Variants in ASB2 observed in about 807,000 individuals in gnomAD.
The protein encoded by ASB2 is ankyrin repeat and SOCS box protein 2.
A neutral mutation model predicts 62.4 loss-of-function variants in ASB2; 58 were observed. That is an observed-to-expected ratio of 0.93 (90% CI 0.75 to 1.16). The LOEUF (loss-of-function observed/expected upper bound fraction) is 1.16, where lower values mean the gene tolerates loss of function less well. ASB2 is among the 50% of genes most tolerant of loss of function. The pLI, the probability that ASB2 is intolerant of heterozygous loss-of-function variation, is 0.00. For synonymous variants in ASB2, 386 were observed against 385.3 expected (o/e 1.00, Z -0.02); for missense variants, 928 against 887.9 (o/e 1.05, Z -0.57).
intron 2 of ASB2, among the ~76,000 whole-genome samples, chr14:93,958,771 C>T (rs904749133): frequency 1.3e-5 from 2 of 152,216 alleles, no homozygotes; most frequent in Non-Finnish European, 2.9e-5. Context: ...GCCCTGTCGT[C>T]TTGATGAGGC....
At position 93,954,333 on chromosome 14, in the gene ASB2, C is replaced by T. The variant is rs771761711; in HGVS notation, c.462G>A (p.Leu154=). 91 of 1,613,552 alleles carry T rather than the reference C, an allele frequency of 5.6e-5. 1 individual carries two copies. The Admixed American group carries it at 8.5e-4, about 15-fold the overall frequency. The change falls in exon 4 of 10, where the codon CTG becomes CTA. Residue 154 remains leucine (L), a synonymous_variant. Coordinates refer to ENST00000555019, the MANE Select transcript of ASB2 (RefSeq NM_001202429.2). ...AGCCCTCACCTCGCTGCAGGACTTT[C>T]AGGCAGCCCACCTGGCCATAGTATG... ...EAAYYGQVGC[L]KVLQRAYPGT... is the part of the protein sequence containing the mutation.
At chr14:93,959,486 T>A (rs1889336070) in intron 2 of ASB2, among the ~76,000 whole-genome samples, 1 of 152,180 alleles carries the variant, frequency 6.6e-6, no homozygotes, top group Non-Finnish European at 1.5e-5. Flanking sequence ...CAATCAAGGC[T>A]GGAGGCCCCA....
Position 93,953,515 on chromosome 14 carries a change from G to T in ASB2, c.479-8C>A. 6.4e-7 allele frequency: 1 copy of T among 1,564,104 alleles called. No homozygotes were observed. Among genetic ancestry groups the T allele is most frequent in the Non-Finnish European group, 8.7e-7 (1 of 1,147,454 alleles). ...CGATGGTCCCTGGGTACGCTAGGGA[G>T]GGCCCACCGGGAAATTCATGTAGGA... On this transcript the variant is annotated splice_region_variant and splice_polypyrimidine_tract_variant and intron_variant, in intron 4 of 9. Coordinates refer to ENST00000555019, the MANE Select transcript of ASB2 (RefSeq NM_001202429.2).
At chr14:93,967,068 C>A (rs935709845) in intron 1 of ASB2, among the ~76,000 whole-genome samples, 1 of 152,174 alleles carries the variant, frequency 6.6e-6, no homozygotes, top group African/African-American at 2.4e-5. Context: ...GTTTCTGTCC[C>A]AAGTCAGCCA....
chr14:93,954,460 G>T lies in ASB2; in HGVS notation c.335C>A (p.Ala112Asp), dbSNP rs775965612. The change falls in exon 4 of 10, where the codon GCC (alanine) becomes GAC (aspartate). Residue 112 changes from alanine (A) to aspartate (D), a missense_variant. Physicochemically the swap from Ala to Asp is moderately radical, Grantham distance 126. Coordinates refer to ENST00000555019, the MANE Select transcript of ASB2 (RefSeq NM_001202429.2). ...QLAPADPLIK[A>D]IKDGDEEALK... The stretch of plus-strand genomic sequence containing the variant: ...GGCCTCTTCATCGCCATCCTTGATG[G>T]CCTTTATCAAGGGGTCCGCAGGCCT... 7 of 1,614,062 alleles carry T rather than the reference G, an allele frequency of 4.3e-6. No individual in the cohort carries two copies. Among genetic ancestry groups the T allele is most frequent in the Non-Finnish European group, 5.9e-6 (7 of 1,180,032 alleles).
intron 2 of ASB2, among the ~76,000 whole-genome samples, chr14:93,961,459 G>A (rs1889406426): frequency 6.6e-6 from 1 of 152,206 alleles, no homozygotes; most frequent in African/African-American, 2.4e-5. Context: ...TGGAGGCGTA[G>A]GTTAATGGCA....
chr14:93,938,619 A>C (rs1457678722), intron 8 of ASB2, among the ~76,000 whole-genome samples: 1 of 151,870 alleles, frequency 6.6e-6, no homozygotes, highest in Non-Finnish European at 1.5e-5. Flanking sequence ...CTGACCCTAC[A>C]CCAGCCTGCT....
chr14:93,939,588 G>A lies in ASB2; in HGVS notation c.1137C>T (p.Arg379=), dbSNP rs1261781763. ...GCGCCTCCAGCACCTCGTCGTGGTT[G>A]CGCTCGGCCGCCAGGTGCAGCGGAC... ...GVSPLHLAAE[R]NHDEVLEALL... The change falls in exon 8 of 10, where the codon CGC becomes CGT. Residue 379 remains arginine, a synonymous_variant. Transcript: ENST00000555019. 5.1e-6 allele frequency: 8 copies of A among 1,574,254 alleles called. No individual in the cohort carries two copies. Among genetic ancestry groups the A allele is most frequent in the African/African-American group, 2.7e-5 (2 of 73,706 alleles).
chr14:93,944,836 G>A (rs991176578), intron 7 of ASB2, among the ~76,000 whole-genome samples: 4 of 152,194 alleles, frequency 2.6e-5, no homozygotes, highest in South Asian at 2.1e-4. Flanking sequence ...GGCAGGACGC[G>A]CCTTACTCTC....
chr14:93,965,492 G>A (rs1485158868), intron 1 of ASB2, among the ~76,000 whole-genome samples: 2 of 152,314 alleles, frequency 1.3e-5, no homozygotes, highest in East Asian at 3.9e-4. Context: ...GTTAATTCCA[G>A]TGACTCTTTT....
rs55666799 is a variant in ASB2, at chr14:93,947,995, G to GAAA, written c.881-478_881-476dup. Among the ~76,000 whole-genome samples, 319 of 72,448 alleles carry GAAA rather than the reference G, an allele frequency of 4.4e-3. 20 individuals are homozygous for GAAA. The highest frequency in any genetic ancestry group is 0.012 in the Middle Eastern group (1 of 84). 47.5% of individuals were successfully genotyped at this position (72,448 alleles called of 152,430 possible). A position where few individuals can be genotyped will look rare whatever the true frequency, so the allele number is the denominator to read the frequency against. On this transcript the variant is annotated intron_variant, in intron 6 of 9. Transcript: ENST00000555019. ...GGCAACAAGAGTGAAACTCCGCCTG[G>GAAA]AAAAAAAAAAAAAAAAAAAAAAAGA...
intron 1 of ASB2, among the ~76,000 whole-genome samples, chr14:93,969,506 C>T (rs1243826818): frequency 6.6e-6 from 1 of 152,198 alleles, no homozygotes; most frequent in African/African-American, 2.4e-5. Flanking sequence ...CTCAGTTTCC[C>T]CTTGTCATGA....
chr14:93,941,774 A>G, intron 7 of ASB2: 1 of 439,170 alleles, frequency 2.3e-6, no homozygotes, highest in Non-Finnish European at 4.6e-6. Flanking sequence ...GCAGTTCTCC[A>G]CGAACCAAGG....
chr14:93,941,631 GC>G (rs1888526060), intron 7 of ASB2: 1 of 455,982 alleles, frequency 2.2e-6, no homozygotes, highest in Non-Finnish European at 4.4e-6. Context: ...ACCCTGGATG[GC>G]GGCCACGGCC....
intron 7 of ASB2, among the ~76,000 whole-genome samples, chr14:93,945,546 C>T (rs569287486): frequency 3.9e-5 from 6 of 152,318 alleles, no homozygotes; most frequent in South Asian, 4.1e-4. Context: ...GTAACCATTT[C>T]CCATTTTATA....
intron 3 of ASB2, chr14:93,955,299 C>G (rs1379050789): frequency 8.0e-6 from 3 of 374,954 alleles, no homozygotes; most frequent in African/African-American, 2.1e-5. Flanking sequence ...AGCCCCTGCA[C>G]TCTCCCAGCC....
chr14:93,937,547 A>G (rs1359548914), intron 9 of ASB2, 151 bp downstream of exon 9: 1 of 789,086 alleles, frequency 1.3e-6, no homozygotes, highest in Non-Finnish European at 1.9e-6. Context: ...GCTCTCTGAG[A>G]GGCAGATTCC....
intron 7 of ASB2, chr14:93,942,236 G>A (rs541619062): frequency 9.0e-5 from 41 of 456,042 alleles, no homozygotes; most frequent in African/African-American, 7.2e-4. Context: ...TTGCTCAAGC[G>A]GCACCTCATG....
chr14:93,967,795 A>G (rs1202907864), intron 1 of ASB2, among the ~76,000 whole-genome samples: 2 of 152,192 alleles, frequency 1.3e-5, no homozygotes, highest in Non-Finnish European at 2.9e-5. Flanking sequence ...ATGGGGGAAC[A>G]GAAAACCCGG....
Sources: gnomAD v4.1 joint callset for allele counts (sites outside exome capture counted in the v4.1 genomes callset) on GRCh38, gnomAD v4.1.1 for gene constraint, MANE v1.5 for transcripts, NCBI Gene and HGNC (gene_info 2026-07-23, HGNC 2026-07-21) for gene names.